Variants in EBPL observed in about 807,000 individuals in gnomAD.
EBPL encodes EBP like, also known as emopamil-binding protein-like.
A neutral mutation model predicts 19.0 loss-of-function variants in EBPL; 20 were observed. The ratio of observed to expected loss-of-function variants is 1.05; its 90% confidence interval spans 0.74 to 1.53. EBPL has a LOEUF of 1.53. Ranked by LOEUF, EBPL falls within the 40% of genes most tolerant of loss-of-function variation. The pLI, the probability that EBPL is intolerant of heterozygous loss-of-function variation, is 0.00. For missense variants in EBPL, 219 were observed against 261.1 expected (o/e 0.84, Z 1.11); for synonymous variants, 107 against 117.0 (o/e 0.91, Z 0.55).
intron 1 of EBPL, among the ~76,000 whole-genome samples, chr13:49,677,070 C>T (rs1953884454): frequency 6.6e-6 from 1 of 152,206 alleles, no homozygotes; most frequent in Non-Finnish European, 1.5e-5. Context: ...TGTGCACTGG[C>T]ACTGTCTAAA....
chr13:49,666,308 G>A (rs1038750363), intron 2 of EBPL, among the ~76,000 whole-genome samples: 6 of 152,180 alleles, frequency 3.9e-5, no homozygotes, highest in Non-Finnish European at 8.8e-5. Flanking sequence ...TTGATAGGGA[G>A]AGCTATCTGG....
At chr13:49,674,660 G>A (rs889181063) in intron 1 of EBPL, among the ~76,000 whole-genome samples, 1 of 150,968 alleles carries the variant, frequency 6.6e-6, no homozygotes, top group African/African-American at 2.4e-5. Flanking sequence ...GCCTCAGAGA[G>A]CTTATTGTCT....
intron 3 of EBPL, among the ~76,000 whole-genome samples, chr13:49,662,529 C>G (rs1965165717): frequency 6.6e-6 from 1 of 152,136 alleles, no homozygotes; most frequent in Non-Finnish European, 1.5e-5. Context: ...TCTACAGAGT[C>G]TAGGTTGTTA....
intron 2 of EBPL, among the ~76,000 whole-genome samples, chr13:49,666,881 T>G (rs1229817481): frequency 1.5e-5 from 2 of 130,286 alleles, no homozygotes; most frequent in Non-Finnish European, 3.3e-5. Flanking sequence ...AGAGCGAGAC[T>G]CTGTTAAAAA....
At chr13:49,679,006 T>TTAAAAAAAAAAA in intron 1 of EBPL, among the ~76,000 whole-genome samples, 1 of 95,188 alleles carries the variant, frequency 1.1e-5, no homozygotes, top group South Asian at 3.9e-4. Flanking sequence ...AGACTCCGTC[T>TTAAAAAAAAAAA]AAAAAAAAAA....
chr13:49,664,156 G>A (rs143998528), intron 2 of EBPL, among the ~76,000 whole-genome samples: 6 of 152,074 alleles, frequency 3.9e-5, no homozygotes, highest in African/African-American at 1.2e-4. Flanking sequence ...GGAGGCTGAG[G>A]CAAGAGAATC....
chr13:49,688,856 T>C (rs1340675760), intron 1 of EBPL, among the ~76,000 whole-genome samples: 2 of 152,130 alleles, frequency 1.3e-5, no homozygotes, highest in African/African-American at 2.4e-5. Context: ...CTGGGTATTC[T>C]TGCAATAAAC....
chr13:49,661,798 G>A, intron 3 of EBPL: 1 of 1,527,866 alleles, frequency 6.5e-7, no homozygotes, highest in Non-Finnish European at 8.8e-7. Flanking sequence ...AAATTGGGTG[G>A]GGAAGGAAGC....
chr13:49,681,650 G>C (rs1953944741), intron 1 of EBPL, among the ~76,000 whole-genome samples: 1 of 152,188 alleles, frequency 6.6e-6, no homozygotes. Flanking sequence ...ATAAGTCAAA[G>C]CTCAGATCAA....
intron 1 of EBPL, among the ~76,000 whole-genome samples, chr13:49,680,235 C>T (rs1267975669): frequency 6.6e-6 from 1 of 152,140 alleles, no homozygotes; most frequent in Non-Finnish European, 1.5e-5. Flanking sequence ...ATGAGGTCTT[C>T]GAGGACTCCT....
At chr13:49,683,469 T>G (rs1020614756) in intron 1 of EBPL, among the ~76,000 whole-genome samples, 10 of 152,084 alleles carry the variant, frequency 6.6e-5, no homozygotes, top group African/African-American at 2.4e-4. Context: ...AGGCGGAGCT[T>G]GCAGTGAGCC....
At chr13:49,670,283 A>G (rs961614109) in intron 1 of EBPL, among the ~76,000 whole-genome samples, 5 of 152,204 alleles carry the variant, frequency 3.3e-5, no homozygotes, top group Admixed American at 6.5e-5. Context: ...AGTTTATACC[A>G]GCATTGAGCA....
rs1954062860 is a variant in EBPL at position 49,691,334 on chromosome 13, G to T, written c.91C>A (p.Arg31Ser). 1.5e-6 allele frequency: 2 copies of T among 1,371,194 alleles called. No homozygotes were observed. Among genetic ancestry groups the T allele is most frequent in the Non-Finnish European group, 1.9e-6 (2 of 1,057,674 alleles). The allele number at this position is 1,371,194 out of a possible 1,614,324, so 84.9% of individuals were successfully genotyped here. The change falls in exon 1 of 4, where the codon CGC (arginine) becomes AGC (serine). Residue 31 changes from arginine to serine, a missense_variant. Arg to Ser is a moderately radical substitution (Grantham distance 110). Transcript: ENST00000242827. ...GCCGCCCCCTGCCCGCGGCCCAGGC[G>T]CAGGCCCAGGGCGCAGCCCGCCGCC... The part of the protein sequence containing the change: ...LLAAGCALGL[R>S]LGRGQGAADR...
At position 49,683,298 on chromosome 13, in the gene EBPL, G is replaced by A. The variant is rs567985923; in HGVS notation, c.171+7956C>T. Among the ~76,000 whole-genome samples, 31 of 151,910 alleles carry A rather than the reference G, an allele frequency of 2.0e-4. 1 individual carries two copies. In the South Asian group the frequency reaches 3.1e-3, roughly 15 times the overall value. On this transcript the variant is annotated intron_variant, in intron 1 of 3. Coordinates refer to ENST00000242827, the MANE Select transcript of EBPL (RefSeq NM_032565.5). ...TCCCAGCACCTTGGGAGGCCGAGGC[G>A]GGCAGATCATGAGGTCAGGAGATGG...
chr13:49,673,370 T>C (rs923985618), intron 1 of EBPL, among the ~76,000 whole-genome samples: 3 of 152,258 alleles, frequency 2.0e-5, no homozygotes, highest in Non-Finnish European at 4.4e-5. Flanking sequence ...TTATTTGTGG[T>C]AACTAAAAAC....
At chr13:49,676,596 AAAAT>A (rs1300128442) in intron 1 of EBPL, among the ~76,000 whole-genome samples, 82 of 119,228 alleles carry the variant, frequency 6.9e-4, no homozygotes, top group African/African-American at 2.1e-3. Flanking sequence ...TGTCTCAAAA[AAAAT>A]AAAATAAATA....
chr13:49,682,178 A>G (rs9535298), intron 1 of EBPL, among the ~76,000 whole-genome samples: 28,034 of 152,196 alleles, frequency 0.18, 3,237 homozygotes, highest in Non-Finnish European at 0.26. Context: ...GTCACCTAAC[A>G]TTCACAGGAG....
chr13:49,688,595 T>C (rs1307272326), intron 1 of EBPL, among the ~76,000 whole-genome samples: 3 of 151,548 alleles, frequency 2.0e-5, no homozygotes, highest in Non-Finnish European at 4.4e-5. Context: ...GGCGGGTGCC[T>C]GTAGTCCCAG....
At chr13:49,665,885 G>A (rs1483471967) in intron 2 of EBPL, among the ~76,000 whole-genome samples, 1 of 152,218 alleles carries the variant, frequency 6.6e-6, no homozygotes, top group Non-Finnish European at 1.5e-5. Flanking sequence ...ACTGAAGCCA[G>A]ACTACGAACT....
Sources: gnomAD v4.1 joint callset for allele counts (sites outside exome capture counted in the v4.1 genomes callset) on GRCh38, gnomAD v4.1.1 for gene constraint, MANE v1.5 for transcripts, NCBI Gene and HGNC (gene_info 2026-07-23, HGNC 2026-07-21) for gene names.